Variants in CEACAM7 observed in about 807,000 individuals in gnomAD.
CEACAM7 encodes the protein cell adhesion molecule CEACAM7.
In CEACAM7, 24 loss-of-function variants were observed where a neutral mutation model predicts 25.7. The observed-to-expected ratio is 0.93, with a 90% confidence interval of 0.68 to 1.31. The LOEUF (loss-of-function observed/expected upper bound fraction) is 1.31, where lower values mean the gene tolerates loss of function less well. Among genes scored for constraint, CEACAM7 ranks in the 40% most tolerant of loss-of-function variants. The pLI, the probability that CEACAM7 is intolerant of heterozygous loss-of-function variation, is 0.00. For missense variants in CEACAM7, 324 were observed against 330.1 expected, an observed-to-expected ratio of 0.98 and a Z score of 0.14; for synonymous variants, 144 against 129.4, an observed-to-expected ratio of 1.11 and a Z score of -0.77.
rs1568684129 is a variant in CEACAM7 at position 41,674,231 on chromosome 19, C to T, written c.*545G>A. The T allele has an allele frequency of 1.3e-5, 2 of 152,264 alleles. No individual in the cohort carries two copies. Among genetic ancestry groups the T allele is most frequent in the East Asian group, 1.9e-4 (1 of 5,198 alleles). The allele number at this position is 152,264 out of a possible 1,614,324, so 9.4% of individuals were successfully genotyped here. ...AGAGGTCTAACTCTAACAGGGACCA[C>T]CGTGCATTTGAATAAACAGTTGTAT... is the stretch of plus-strand genomic sequence containing the variant. On this transcript the variant is annotated 3_prime_UTR_variant, in exon 5 of 5. Transcript: ENST00000401731.
In CEACAM7 at chr19:41,683,712, C is replaced by G. The variant is rs1427845090; in HGVS notation, c.706+73G>C. 5.7e-6 allele frequency: 9 copies of G among 1,577,928 alleles called. 2 individuals are homozygous for G. The South Asian group carries it at 1.0e-4, about 18-fold the overall frequency. On this transcript the variant is annotated intron_variant, in intron 3 of 4. Coordinates refer to ENST00000401731, the MANE Select transcript of CEACAM7 (RefSeq NM_001291485.2). ...TCTGTGTACTTGGACCTGAGAGGGACTAAGAGGCCTGGTCTCTGGCTGCAT... is the reference window on the plus strand; with the variant it reads ...TCTGTGTACTTGGACCTGAGAGGGAGTAAGAGGCCTGGTCTCTGGCTGCAT...
At chr19:41,681,696 A>T (rs2072177393) in intron 3 of CEACAM7, among the ~76,000 whole-genome samples, 1 of 152,232 alleles carries the variant, frequency 6.6e-6, no homozygotes, top group African/African-American at 2.4e-5. Flanking sequence ...TAAAGACGTT[A>T]TGCTAAGTGA....
At chr19:41,685,010 T>C (rs190455156) in intron 2 of CEACAM7, among the ~76,000 whole-genome samples, 1 of 152,222 alleles carries the variant, frequency 6.6e-6, no homozygotes, top group East Asian at 1.9e-4. Context: ...ATGACAATGG[T>C]GTCATCATGA....
chr19:41,680,084 T>G (rs964441303), intron 3 of CEACAM7, among the ~76,000 whole-genome samples: 1 of 149,520 alleles, frequency 6.7e-6, no homozygotes, highest in Non-Finnish European at 1.5e-5. Flanking sequence ...CCTCCCAAAG[T>G]GCTGGGATTA....
At position 41,687,088 on chromosome 19, in the gene CEACAM7, G is replaced by A. The variant is rs782680693; in HGVS notation, c.198C>T (p.Asn66=). The change falls in exon 2 of 5, where the codon AAC becomes AAT. Residue 66 remains asparagine, a synonymous_variant. Coordinates refer to ENST00000401731, the MANE Select transcript of CEACAM7 (RefSeq NM_001291485.2). ...HNESQNLYGY[N]WYKGERVHAN... ...CATGCACCCTTTCCCCTTTGTACCA[G>A]TTGTAGCCATAAAGATTCTGGGACT... is the stretch of plus-strand genomic sequence containing the variant. 6 of 1,613,960 alleles carry A rather than the reference G, an allele frequency of 3.7e-6. No individual in the cohort carries two copies. In the Admixed American group the frequency reaches 1.0e-4, roughly 27 times the overall value.
chr19:41,681,949 A>T (rs1374485812), intron 3 of CEACAM7, among the ~76,000 whole-genome samples: 4 of 151,998 alleles, frequency 2.6e-5, no homozygotes, highest in Admixed American at 6.6e-5. Flanking sequence ...ATATCACTAA[A>T]CCATACTTTT....
At chr19:41,682,065 CCCA>C (rs1187200930) in intron 3 of CEACAM7, among the ~76,000 whole-genome samples, 3 of 152,138 alleles carry the variant, frequency 2.0e-5, no homozygotes, top group South Asian at 4.2e-4. Flanking sequence ...CCCGCCTCAG[CCCA>C]CCAAGTAGTT....
In CEACAM7 at chr19:41,677,475, G is replaced by T; in HGVS notation, c.735C>A (p.Asp245Glu). ...RYESVQASSP[D>E]LSAGTAVSIM... ...TGCTGACAGCGGTCCCAGCTGAGAG[G>T]TCAGGTGAACTTGCTTGTACTGACT... The change falls in exon 4 of 5, where the codon GAC becomes GAA. Residue 245 changes from aspartate to glutamate, a missense_variant. Physicochemically the swap from Asp to Glu is conservative, Grantham distance 45. Transcript: ENST00000401731. 6.2e-7 allele frequency: 1 copy of T among 1,613,968 alleles called. No homozygotes were observed. Among genetic ancestry groups the T allele is most frequent in the Non-Finnish European group, 8.5e-7 (1 of 1,179,826 alleles).
At chr19:41,679,650 A>C (rs571041916) in intron 3 of CEACAM7, among the ~76,000 whole-genome samples, 4 of 152,316 alleles carry the variant, frequency 2.6e-5, no homozygotes, top group African/African-American at 9.6e-5. Flanking sequence ...ACAGGAACTT[A>C]CATGTAGAAA....
intron 3 of CEACAM7, among the ~76,000 whole-genome samples, chr19:41,681,331 G>A (rs1023935077): frequency 1.6e-4 from 24 of 152,176 alleles, no homozygotes; most frequent in Admixed American, 1.3e-4. Flanking sequence ...GCCGGTGGGA[G>A]TGTGAAATGG....
At chr19:41,683,166 G>A (rs1259557802) in intron 3 of CEACAM7, among the ~76,000 whole-genome samples, 2 of 152,234 alleles carry the variant, frequency 1.3e-5, no homozygotes, top group Non-Finnish European at 2.9e-5. Flanking sequence ...CATCTTGACT[G>A]TGGTACTATT....
intron 3 of CEACAM7, among the ~76,000 whole-genome samples, chr19:41,678,310 CATGTATATGTATATGTATATGTAT>C (rs55633841): frequency 1.2e-3 from 178 of 144,754 alleles, no homozygotes; most frequent in East Asian, 2.6e-3. Context: ...CTGTTTCTCC[CATGTATATGTATATGTATATGTAT>C]ATGTATATGT....
chr19:41,680,239 G>C (rs191637832), intron 3 of CEACAM7, among the ~76,000 whole-genome samples: 12 of 151,702 alleles, frequency 7.9e-5, no homozygotes, highest in African/African-American at 2.9e-4. Context: ...TAACCAAGGA[G>C]GTGAAAAAAT....
intron 2 of CEACAM7, 55 bp from the exon 3 acceptor site, chr19:41,684,118 C>T (rs531119561): frequency 3.0e-5 from 47 of 1,581,004 alleles, no homozygotes; most frequent in East Asian, 2.5e-4. Context: ...GGTTCCCCCA[C>T]GGACATCTTT....
In CEACAM7 at chr19:41,683,784, C is replaced by G; in HGVS notation, c.706+1G>C. 2.5e-6 allele frequency: 4 copies of G among 1,613,988 alleles called. No homozygotes were observed. The highest frequency in any genetic ancestry group is 3.4e-6 in the Non-Finnish European group (4 of 1,179,850). ...GCCACAGAGGAACAGAAGATACTCACAGCGGACATTCAGGGTGACTGGGTC... is the reference window on the plus strand; with the variant it reads ...GCCACAGAGGAACAGAAGATACTCAGAGCGGACATTCAGGGTGACTGGGTC... On this transcript the variant is annotated splice_donor_variant, in intron 3 of 4. Transcript: ENST00000401731. LOFTEE classifies it high-confidence loss of function.
At chr19:41,679,801 CTTT>C (rs34340713) in intron 3 of CEACAM7, among the ~76,000 whole-genome samples, 1 of 111,926 alleles carries the variant, frequency 8.9e-6, no homozygotes. Flanking sequence ...CTCTCTCTCT[CTTT>C]TTTTTTTTTT....
rs1555811332 is a variant in CEACAM7, at chr19:41,687,234, G to A, written c.65-13C>T. ...GTTAAAAGCGAGGCTAGGAGGGGGAGAGAACATCAGTCAATATTGGGACCT... is the reference window on the plus strand; with the variant it reads ...GTTAAAAGCGAGGCTAGGAGGGGGAAAGAACATCAGTCAATATTGGGACCT... On this transcript the variant is annotated splice_polypyrimidine_tract_variant and intron_variant, in intron 1 of 4. Transcript: ENST00000401731. The A allele has an allele frequency of 1.9e-6, 3 of 1,578,118 alleles. No homozygotes were observed. Among genetic ancestry groups the A allele is most frequent in the Non-Finnish European group, 8.6e-7 (1 of 1,162,114 alleles).
chr19:41,687,195 GC>G lies in CEACAM7; in HGVS notation c.90del (p.Pro31GlnfsTer23). ...TCAATATTGGTCTGGGCACTGTTTG[GC>G]AGGTTCCAGAAGGTTAAAAGCGAGG... ...LTASLLTFWN[L>X]PNSAQTNIDV... On this transcript the variant is annotated frameshift_variant, in exon 2 of 5. Coordinates refer to ENST00000401731, the MANE Select transcript of CEACAM7 (RefSeq NM_001291485.2). LOFTEE classifies it high-confidence loss of function. The G allele has an allele frequency of 6.2e-7, 1 of 1,609,122 alleles. No individual in the cohort carries two copies. The highest frequency in any genetic ancestry group is 1.3e-5 in the African/African-American group (1 of 74,802).
At chr19:41,679,899 T>C (rs1450700797) in intron 3 of CEACAM7, among the ~76,000 whole-genome samples, 5 of 147,734 alleles carry the variant, frequency 3.4e-5, no homozygotes, top group African/African-American at 1.3e-4. Flanking sequence ...CCTCCCCAGT[T>C]CAAATGATTC....
Sources: allele counts gnomAD v4.1 joint callset (sites outside exome capture counted in the v4.1 genomes callset), GRCh38; gene constraint gnomAD v4.1.1; transcripts MANE v1.5; gene names NCBI Gene and HGNC (gene_info 2026-07-23, HGNC 2026-07-21).